The following KMT2E variants were observed in gnomAD, a reference collection of about 807,000 sequenced individuals.
KMT2E encodes histone reader KMT2E.
KMT2E carries 30 observed loss-of-function variants against 184.6 expected under a neutral mutation model. That is an observed-to-expected ratio of 0.16 (90% confidence interval 0.12 to 0.22). KMT2E has a LOEUF of 0.22. KMT2E is among the 10% of genes least tolerant of loss of function. The pLI is 1.00. For missense variants in KMT2E, 2,023 were observed against 2,237.4 expected, an observed-to-expected ratio of 0.90 and a Z score of 1.93; for synonymous variants, 815 against 776.5, an observed-to-expected ratio of 1.05 and a Z score of -0.82.
chr7:105,079,335 C>T (rs1332359160), intron 12 of KMT2E, among the ~76,000 whole-genome samples: 1 of 151,406 alleles, frequency 6.6e-6, no homozygotes, highest in Non-Finnish European at 1.5e-5. Context: ...GGGGTTTCAC[C>T]ATTTTGACCA....
intron 2 of KMT2E, among the ~76,000 whole-genome samples, chr7:105,039,645 T>C (rs1202427067): frequency 6.6e-6 from 1 of 152,200 alleles, no homozygotes; most frequent in Non-Finnish European, 1.5e-5. Context: ...TTAATAGTGG[T>C]TTGAATTCTC....
At chr7:105,094,975 C>T (rs1303574547) in intron 15 of KMT2E, among the ~76,000 whole-genome samples, 1 of 152,154 alleles carries the variant, frequency 6.6e-6, no homozygotes, top group Non-Finnish European at 1.5e-5. Context: ...TTTTGTAGTA[C>T]AGCTTGAAAA....
Position 105,106,660 on chromosome 7 carries a change from C to T in KMT2E, c.2735C>T (p.Thr912Met), listed in dbSNP as rs758870362. Residue 912 changes from threonine to methionine, a missense_variant, in exon 20 of 27, where the codon ACG becomes ATG. Around this residue, in one of 8 missense-constraint regions of KMT2E, gnomAD observed 514 missense variants for 621.8 expected, o/e 0.83. Transcript: ENST00000311117. ...DITPMDPSFATPPRIKSDDET... is the reference protein window; with the variant it reads ...DITPMDPSFAMPPRIKSDDET... ...ACTCCTATGGACCCATCTTTTGCCA[C>T]GCCTCCACGGATAAAATCAGATGAT... The T allele has an allele frequency of 2.0e-5, 33 of 1,613,914 alleles. No homozygotes were observed. Among genetic ancestry groups the T allele is most frequent in the Non-Finnish European group, 2.4e-5 (28 of 1,179,946 alleles).
At chr7:105,059,598 C>T (rs1223580334) in intron 3 of KMT2E, among the ~76,000 whole-genome samples, 1 of 151,838 alleles carries the variant, frequency 6.6e-6, no homozygotes, top group Non-Finnish European at 1.5e-5. Context: ...AATATTTACC[C>T]GTAGGGGAAA....
At chr7:105,088,907 T>A (rs1798092855) in intron 13 of KMT2E, among the ~76,000 whole-genome samples, 2 of 152,234 alleles carry the variant, frequency 1.3e-5, no homozygotes, top group African/African-American at 4.8e-5. Context: ...GGTAGCTTTT[T>A]AAAGAAACCC....
At chr7:105,085,482 A>T (rs564905501) in intron 13 of KMT2E, among the ~76,000 whole-genome samples, 1 of 152,308 alleles carries the variant, frequency 6.6e-6, no homozygotes, top group Non-Finnish European at 1.5e-5. Context: ...TGGGAGATGG[A>T]GGTTGCAGTG....
At chr7:105,111,675 A>T (rs746625776) in intron 26 of KMT2E, 150 bp from the exon 27 acceptor site, 5 of 913,134 alleles carry the variant, frequency 5.5e-6, no homozygotes, top group Non-Finnish European at 7.8e-6. Flanking sequence ...GCCTTTTAAC[A>T]TCCCAAGCCT....
intron 5 of KMT2E, chr7:105,064,052 A>C (rs1402773534): frequency 2.2e-6 from 1 of 452,110 alleles, no homozygotes; most frequent in East Asian, 7.2e-5. Context: ...CTTGAACCAG[A>C]ACCACAGTCT....
At chr7:105,103,145 A>ACCT (rs2129569592) in intron 17 of KMT2E, 1 of 152,242 alleles carries the variant, frequency 6.6e-6, no homozygotes, top group Admixed American at 6.5e-5. Flanking sequence ...AAAAGAAAAA[A>ACCT]CCTCAGGCTT....
At chr7:105,064,075 C>G in intron 5 of KMT2E, 1 of 438,394 alleles carries the variant, frequency 2.3e-6, no homozygotes, top group Non-Finnish European at 4.6e-6. Flanking sequence ...CCTCCCCCAA[C>G]CCTGGTTCAG....
chr7:105,109,975 C>T (rs958805117), intron 23 of KMT2E, among the ~76,000 whole-genome samples: 2 of 151,570 alleles, frequency 1.3e-5, no homozygotes, highest in South Asian at 2.1e-4. Context: ...TCCCGAGTAG[C>T]GCCCGCCACC....
chr7:105,079,511 C>CTTTTTT lies in KMT2E; in HGVS notation c.1248+573_1248+578dup, dbSNP rs66734303. 4.9e-3 allele frequency among the ~76,000 whole-genome samples: 307 copies of CTTTTTT among 62,334 alleles called. 62 individuals carry two copies. The East Asian group carries it at 0.075, about 15-fold the overall frequency. The allele number at this position is 62,334 out of a possible 152,430, so 40.9% of individuals were successfully genotyped here. A position where few individuals can be genotyped will look rare whatever the true frequency, so the allele number is the denominator to read the frequency against. ...CTTATAAGAGGAAATATTGGACTTC[C>CTTTTTT]TTTTTTTTTTTTTTTTTTTTTTTTT... On this transcript the variant is annotated intron_variant, in intron 12 of 26. Transcript: ENST00000311117.
chr7:105,111,868 A>G lies in KMT2E; in HGVS notation c.4112A>G (p.Lys1371Arg). 6.2e-7 allele frequency: 1 copy of G among 1,614,030 alleles called. No individual in the cohort carries two copies. Among genetic ancestry groups the G allele is most frequent in the Middle Eastern group, 1.7e-4 (1 of 6,060 alleles). ...GTAATTCCTGCTCAAGCACACGGGA[A>G]AATATTCACAAAACCAGATCCCCAA... ...GSVIPAQAHG[K>R]IFTKPDPQWD... Residue 1371 changes from lysine (K) to arginine (R), a missense_variant, in exon 27 of 27, where the codon AAA becomes AGA. Lys to Arg is a conservative substitution (Grantham distance 26). Coordinates refer to ENST00000311117, the MANE Select transcript of KMT2E (RefSeq NM_182931.3).
rs1477864915 is a variant in KMT2E at position 105,107,504 on chromosome 7, A to G, written c.3047A>G (p.Glu1016Gly). Residue 1016 changes from glutamate (E) to glycine (G), a missense_variant, in exon 22 of 27, where the codon GAA (glutamate) becomes GGA (glycine). By Grantham distance (98) the Glu-to-Gly change is moderately conservative. This residue lies in a region of KMT2E where 1,108 missense variants were observed against 1,050.9 expected (regional missense o/e 1.05). Coordinates refer to ENST00000311117, the MANE Select transcript of KMT2E (RefSeq NM_182931.3). ...GAAGTCAACAGGCAGTGTCCTGGAGAAAAGGAACCTGTGTCAGACCTTCAG... is the reference window on the plus strand; with the variant it reads ...GAAGTCAACAGGCAGTGTCCTGGAGGAAAGGAACCTGTGTCAGACCTTCAG... ...RTEVNRQCPG[E>G]KEPVSDLQLG... The G allele has an allele frequency of 1.9e-6, 3 of 1,614,034 alleles. No homozygotes were observed. The highest frequency in any genetic ancestry group is 2.5e-6 in the Non-Finnish European group (3 of 1,180,018).
chr7:105,085,108 A>C (rs1023867237), intron 13 of KMT2E, among the ~76,000 whole-genome samples: 2 of 152,038 alleles, frequency 1.3e-5, no homozygotes, highest in African/African-American at 4.8e-5. Flanking sequence ...AATTGTTGCA[A>C]ATTTTCAAAC....
chr7:105,059,068 T>C (rs1329387245), intron 3 of KMT2E, among the ~76,000 whole-genome samples: 2 of 152,354 alleles, frequency 1.3e-5, no homozygotes, highest in South Asian at 4.1e-4. Context: ...TCATGGATTA[T>C]GTTTTGATAC....
intron 1 of KMT2E, among the ~76,000 whole-genome samples, chr7:105,023,402 CAAAAAA>C (rs1158885663): frequency 7.2e-5 from 4 of 55,936 alleles, no homozygotes; most frequent in African/African-American, 2.8e-4. Context: ...GACTCTGTCT[CAAAAAA>C]AAAAAAAAAA....
chr7:105,093,344 T>C (rs566121360), intron 15 of KMT2E, among the ~76,000 whole-genome samples: 3 of 152,290 alleles, frequency 2.0e-5, no homozygotes, highest in South Asian at 4.1e-4. Context: ...ATGCTGACAA[T>C]GTTAGTGGAT....
intron 2 of KMT2E, chr7:105,038,608 G>C (rs1214672360): frequency 1.3e-5 from 2 of 152,058 alleles, no homozygotes; most frequent in Non-Finnish European, 2.9e-5. Context: ...TGATCCACCC[G>C]CCTCGGCCTC....
Sources: allele counts gnomAD v4.1 joint callset (sites outside exome capture counted in the v4.1 genomes callset), GRCh38; gene constraint gnomAD v4.1.1; regional missense constraint gnomAD v4.1.1; transcripts MANE v1.5; gene names NCBI Gene and HGNC (gene_info 2026-07-23, HGNC 2026-07-21).